The following LURAP1L variants were observed in gnomAD, a reference collection of about 807,000 sequenced individuals.
LURAP1L encodes the protein leucine rich adaptor protein 1 like.
A neutral mutation model predicts 13.8 loss-of-function variants in LURAP1L; 12 were observed. That is an observed-to-expected ratio of 0.87 (90% CI 0.56 to 1.41). LURAP1L has a LOEUF of 1.41. LURAP1L is among the 40% of genes most tolerant of loss of function. LURAP1L has a pLI of 0.00. For synonymous variants in LURAP1L, 139 were observed against 119.2 expected (o/e 1.17, Z -1.08); for missense variants, 375 against 292.9 (o/e 1.28, Z -2.04).
At chr9:12,786,555 T>TATATATATATA (rs1213437564) in intron 1 of LURAP1L, among the ~76,000 whole-genome samples, 6 of 109,884 alleles carry the variant, frequency 5.5e-5, no homozygotes, top group African/African-American at 2.0e-4. Flanking sequence ...GACATATATA[T>TATATATATATA]ATATATATAT....
Position 12,775,724 on chromosome 9 carries a change from C to A in LURAP1L, c.9C>A (p.Asp3Glu). 1.3e-6 allele frequency: 2 copies of A among 1,577,502 alleles called. No individual in the cohort carries two copies. The highest frequency in any genetic ancestry group is 2.0e-5 in the Admixed American group (1 of 49,628). The part of the protein sequence containing the change: ME[D>E]SPLPDLRDIE... ...GCCGTTCCGGAAAAGTCATGGAAGACAGCCCGCTGCCAGACCTCAGAGACA... is the reference window on the plus strand; with the variant it reads ...GCCGTTCCGGAAAAGTCATGGAAGAAAGCCCGCTGCCAGACCTCAGAGACA... The change falls in exon 1 of 2, where the codon GAC (aspartate) becomes GAA (glutamate). Residue 3 changes from aspartate (D) to glutamate (E), a missense_variant. By Grantham distance (45) the Asp-to-Glu change is conservative. Coordinates refer to ENST00000319264, the MANE Select transcript of LURAP1L (RefSeq NM_203403.2).
intron 1 of LURAP1L, among the ~76,000 whole-genome samples, chr9:12,809,266 A>G (rs1819705150): frequency 6.6e-6 from 1 of 152,156 alleles, no homozygotes; most frequent in Admixed American, 6.5e-5. Flanking sequence ...AAACTGTATC[A>G]TATACCTTTT....
intron 1 of LURAP1L, among the ~76,000 whole-genome samples, chr9:12,809,100 C>T (rs1406301280): frequency 6.6e-6 from 1 of 152,116 alleles, no homozygotes; most frequent in Non-Finnish European, 1.5e-5. Context: ...CCAGGACTCA[C>T]ATGAACGTAG....
intron 1 of LURAP1L, among the ~76,000 whole-genome samples, chr9:12,806,415 T>G (rs1343893424): frequency 6.6e-6 from 1 of 152,102 alleles, no homozygotes; most frequent in South Asian, 2.1e-4. Flanking sequence ...AGAAGCAATT[T>G]GCATTTCTTC....
intron 1 of LURAP1L, among the ~76,000 whole-genome samples, chr9:12,814,704 A>C (rs533844560): frequency 5.9e-5 from 9 of 152,204 alleles, no homozygotes; most frequent in Admixed American, 3.9e-4. Flanking sequence ...CACCAGATAC[A>C]GCTTTCTACT....
intron 1 of LURAP1L, among the ~76,000 whole-genome samples, chr9:12,779,336 GC>G (rs1051828711): frequency 4.8e-5 from 7 of 145,054 alleles, no homozygotes; most frequent in African/African-American, 1.8e-4. Context: ...ATGCAGTGGA[GC>G]GATCTCGGCT....
At chr9:12,803,320 A>G (rs1284744044) in intron 1 of LURAP1L, among the ~76,000 whole-genome samples, 2 of 152,228 alleles carry the variant, frequency 1.3e-5, no homozygotes, top group Non-Finnish European at 2.9e-5. Flanking sequence ...ATGATCCTCA[A>G]TATTCTTATC....
At chr9:12,777,948 G>C (rs1269763145) in intron 1 of LURAP1L, among the ~76,000 whole-genome samples, 1 of 152,176 alleles carries the variant, frequency 6.6e-6, no homozygotes, top group Middle Eastern at 3.4e-3. Context: ...TTGCTGTTTT[G>C]CCATTGCTTT....
Position 12,822,962 on chromosome 9 carries a change from T to A in LURAP1L, c.*1202T>A, listed in dbSNP as rs1407245586. Among the ~76,000 whole-genome samples the A allele has an allele frequency of 6.6e-6, 1 of 152,186 alleles. No homozygotes were observed. The highest frequency in any genetic ancestry group is 1.9e-4 in the East Asian group (1 of 5,206). The stretch of plus-strand genomic sequence containing the variant: ...AACTGAGAAATGTTTCACCCAAATT[T>A]CCTTTGTTATTATATATTTACTACA... On this transcript the variant is annotated 3_prime_UTR_variant, in exon 2 of 2. Coordinates refer to ENST00000319264, the MANE Select transcript of LURAP1L (RefSeq NM_203403.2).
At chr9:12,798,929 A>G (rs1040565604) in intron 1 of LURAP1L, among the ~76,000 whole-genome samples, 12 of 152,208 alleles carry the variant, frequency 7.9e-5, no homozygotes, top group African/African-American at 2.4e-5. Flanking sequence ...ATGAATGCTC[A>G]TGCAGGTCAG....
chr9:12,813,409 G>A (rs544737353), intron 1 of LURAP1L, among the ~76,000 whole-genome samples: 98 of 152,050 alleles, frequency 6.4e-4, no homozygotes, highest in African/African-American at 8.7e-4. Flanking sequence ...TGAAAATACC[G>A]TATATGCTCT....
intron 1 of LURAP1L, among the ~76,000 whole-genome samples, chr9:12,788,865 C>A (rs1378062649): frequency 6.6e-6 from 1 of 150,970 alleles, no homozygotes; most frequent in East Asian, 1.9e-4. Flanking sequence ...AGTTCAAGAC[C>A]AGCCTGGGCA....
intron 1 of LURAP1L, among the ~76,000 whole-genome samples, chr9:12,798,021 C>A (rs534007323): frequency 6.6e-6 from 1 of 152,138 alleles, no homozygotes; most frequent in African/African-American, 2.4e-5. Context: ...AGCATTTGAT[C>A]TTAAGATATC....
At position 12,821,898 on chromosome 9, in the gene LURAP1L, A is replaced by G. The variant is rs1819886923; in HGVS notation, c.*138A>G. ...GCTGATTTTGAAACTGCTTAATGGTATTGCTGTTGCTCCTAATACTTCTCA... is the reference window on the plus strand; with the variant it reads ...GCTGATTTTGAAACTGCTTAATGGTGTTGCTGTTGCTCCTAATACTTCTCA... On this transcript the variant is annotated 3_prime_UTR_variant, in exon 2 of 2. Transcript: ENST00000319264. 3 of 975,526 alleles carry G rather than the reference A, an allele frequency of 3.1e-6. No individual in the cohort carries two copies. The highest frequency in any genetic ancestry group is 3.3e-5 in the African/African-American group (2 of 61,382). 60.4% of individuals were successfully genotyped at this position (975,526 alleles called of 1,614,324 possible). A position where few individuals can be genotyped will look rare whatever the true frequency, so the allele number is the denominator to read the frequency against.
At chr9:12,785,150 G>A (rs150580653) in intron 1 of LURAP1L, among the ~76,000 whole-genome samples, 15 of 152,262 alleles carry the variant, frequency 9.9e-5, no homozygotes, top group Middle Eastern at 3.4e-3. Flanking sequence ...GTCTAGAAAC[G>A]TCTGTTGTCC....
chr9:12,804,435 C>A (rs1256542662), intron 1 of LURAP1L, among the ~76,000 whole-genome samples: 2 of 150,738 alleles, frequency 1.3e-5, no homozygotes, highest in Non-Finnish European at 2.9e-5. Context: ...ACCTCTGCCT[C>A]CCAGGTTCGT....
At chr9:12,794,826 A>G (rs916735864) in intron 1 of LURAP1L, among the ~76,000 whole-genome samples, 1 of 151,784 alleles carries the variant, frequency 6.6e-6, no homozygotes, top group African/African-American at 2.4e-5. Context: ...TCAAGTGACT[A>G]AAGATATGTT....
intron 1 of LURAP1L, among the ~76,000 whole-genome samples, chr9:12,819,959 A>G (rs1819851568): frequency 6.6e-6 from 1 of 152,006 alleles, no homozygotes; most frequent in Non-Finnish European, 1.5e-5. Flanking sequence ...CTCAAAAAAC[A>G]AACAAGCAAA....
Position 12,775,895 on chromosome 9 carries a change from C to T in LURAP1L, c.180C>T (p.Ser60=), listed in dbSNP as rs75227666. Residue 60 remains serine, a synonymous_variant, in exon 1 of 2, where the codon AGC becomes AGT. Transcript: ENST00000319264. ...GGGGGGCSSS[S]SYCSFPPSLS... ...GCGGCGGCGGCTGCAGTAGCAGCAG[C>T]AGCTACTGCAGCTTCCCTCCCTCCT... 2,535 of 878,946 alleles carry T rather than the reference C, an allele frequency of 2.9e-3. 30 individuals carry two copies. The African/African-American group carries it at 0.036, about 12-fold the overall frequency. 54.4% of individuals were successfully genotyped at this position (878,946 alleles called of 1,614,324 possible). A position where few individuals can be genotyped will look rare whatever the true frequency, so the allele number is the denominator to read the frequency against.
Sources: allele counts gnomAD v4.1 joint callset (sites outside exome capture counted in the v4.1 genomes callset), GRCh38; gene constraint gnomAD v4.1.1; transcripts MANE v1.5; gene names NCBI Gene and HGNC (gene_info 2026-07-23, HGNC 2026-07-21).